The following NFIX variants were observed in gnomAD, a reference collection of about 807,000 sequenced individuals.
The protein encoded by NFIX is nuclear factor I X.
NFIX carries 2 observed loss-of-function variants against 53.3 expected under a neutral mutation model. That is an observed-to-expected ratio of 0.04 (90% CI 0.02 to 0.12). The LOEUF is 0.12. Ranked by LOEUF, NFIX falls within the 10% of genes least tolerant of loss-of-function variation. The probability of loss-of-function intolerance (pLI) is 1.00; values close to 1 mark genes in which losing one functional copy is unlikely to be tolerated. For missense variants in NFIX, 310 were observed against 674.5 expected (o/e 0.46, Z 5.99); for synonymous variants, 244 against 289.0 (o/e 0.84, Z 1.58).
chr19:13,003,227 C>T (rs1258318759), intron 1 of NFIX, among the ~76,000 whole-genome samples: 4 of 152,126 alleles, frequency 2.6e-5, no homozygotes, highest in East Asian at 1.9e-4. Flanking sequence ...CAGACACAGG[C>T]GTCCCCATAC....
rs904912537 is a variant in NFIX at position 13,027,900 on chromosome 19, C to T, written c.559+2348C>T. 2.6e-5 allele frequency among the ~76,000 whole-genome samples: 4 copies of T among 152,194 alleles called. No individual in the cohort carries two copies. Among genetic ancestry groups the T allele is most frequent in the Non-Finnish European group, 5.9e-5 (4 of 68,042 alleles). ...GGGTGTATTTTATATCATTCAGGCC[C>T]CAGACTCCAGATAATTTCAGTGAAG... On this transcript the variant is annotated intron_variant, in intron 2 of 10. Transcript: ENST00000592199. The surrounding 1 kb of genome is among the most constrained non-coding windows in gnomAD (Gnocchi z 4.3).
chr19:12,998,729 C>T lies in NFIX; in HGVS notation c.27+2865C>T, dbSNP rs115753412. Reference sequence around the variant, plus strand: ...CACCGATGTCCAGACCCACGACCATCGACGAGCCTACAGACCTACGGACAC... The same window carrying T: ...CACCGATGTCCAGACCCACGACCATTGACGAGCCTACAGACCTACGGACAC... On this transcript the variant is annotated intron_variant, in intron 1 of 10. Coordinates refer to ENST00000592199, the MANE Select transcript of NFIX (RefSeq NM_001365902.3). This position sits in a 1 kb window ranked among gnomAD's most constrained non-coding sequence, Gnocchi z 4.4. Among the ~76,000 whole-genome samples the T allele has an allele frequency of 4.6e-3, 704 of 152,288 alleles. 6 individuals are homozygous for T. The highest frequency in any genetic ancestry group is 0.016 in the African/African-American group (683 of 41,542).
intron 1 of NFIX, among the ~76,000 whole-genome samples, chr19:13,003,537 A>G (rs1339165038): frequency 6.6e-6 from 1 of 152,178 alleles, no homozygotes; most frequent in Non-Finnish European, 1.5e-5. Context: ...AGGTACATGC[A>G]CATGCATGCA....
intron 1 of NFIX, among the ~76,000 whole-genome samples, chr19:13,016,452 C>A (rs1320017251): frequency 1.3e-5 from 2 of 152,170 alleles, no homozygotes; most frequent in African/African-American, 4.8e-5. Context: ...GAGTAAGTTA[C>A]TTGCCAATTA....
Position 13,006,037 on chromosome 19 carries a change from GC to G in NFIX, c.27+10177del, listed in dbSNP as rs1449915268. ...TCCTGGGTGCCAGGCTCTGTTTTAG[GC>G]CCCGGGGGCTCGGCAGGGAGCAAAA... On this transcript the variant is annotated intron_variant, in intron 1 of 10. Coordinates refer to ENST00000592199, the MANE Select transcript of NFIX (RefSeq NM_001365902.3). The surrounding 1 kb of genome is among the most constrained non-coding windows in gnomAD (Gnocchi z 5.6). Among the ~76,000 whole-genome samples, 1 of 152,198 alleles carries G rather than the reference GC, an allele frequency of 6.6e-6. No homozygotes were observed. Among genetic ancestry groups the G allele is most frequent in the Non-Finnish European group, 1.5e-5 (1 of 68,036 alleles).
chr19:13,040,529 G>A lies in NFIX; in HGVS notation c.559+14977G>A, dbSNP rs969739338. ...GCCTTTTGCTCTGAGGCTTTTCCTC[G>A]CCTCCCTCCCTCTCCTCAGGAGCCC... On this transcript the variant is annotated intron_variant, in intron 2 of 10. Coordinates refer to ENST00000592199, the MANE Select transcript of NFIX (RefSeq NM_001365902.3). The surrounding 1 kb of genome is among the most constrained non-coding windows in gnomAD (Gnocchi z 4.2). Among the ~76,000 whole-genome samples, 3 of 152,168 alleles carry A rather than the reference G, an allele frequency of 2.0e-5. No individual in the cohort carries two copies. The highest frequency in any genetic ancestry group is 2.1e-4 in the South Asian group (1 of 4,828).
At chr19:13,077,122 A>T (rs1489212895) in intron 6 of NFIX, among the ~76,000 whole-genome samples, 1 of 152,060 alleles carries the variant, frequency 6.6e-6, no homozygotes, top group Admixed American at 6.5e-5. Context: ...CCCTTCTGCA[A>T]GGACTGCCCC....
chr19:13,091,196 C>T (rs1249789990), intron 10 of NFIX, among the ~76,000 whole-genome samples: 2 of 152,014 alleles, frequency 1.3e-5, no homozygotes, highest in Non-Finnish European at 2.9e-5. Flanking sequence ...ATGCAAAGAT[C>T]TTTCTTTTGC....
rs1246807059 is a variant in NFIX, at chr19:13,073,919, A to G, written c.711A>G (p.Thr237=). ...LVRVSQTPVA[T]ASGPNFSLAD... is the part of the protein sequence containing the mutation. Reference sequence around the variant, plus strand: ...CGTTCTTCCCAGCTCCTGTTGCAACAGCATCAGGGCCCAACTTCTCCCTGG... The same window carrying G: ...CGTTCTTCCCAGCTCCTGTTGCAACGGCATCAGGGCCCAACTTCTCCCTGG... The change falls in exon 5 of 11, where the codon ACA becomes ACG. Residue 237 remains threonine, a synonymous_variant. Transcript: ENST00000592199. The surrounding 1 kb of genome is among the most constrained non-coding windows in gnomAD (Gnocchi z 4.5). 1.2e-6 allele frequency: 2 copies of G among 1,613,956 alleles called. No individual in the cohort carries two copies. Among genetic ancestry groups the G allele is most frequent in the South Asian group, 2.2e-5 (2 of 91,084 alleles).
chr19:13,065,602 G>A (rs1308790784), intron 2 of NFIX, among the ~76,000 whole-genome samples: 4 of 152,158 alleles, frequency 2.6e-5, no homozygotes, highest in Non-Finnish European at 5.9e-5. Flanking sequence ...CCATTGGCAG[G>A]TGGGCCTTTG....
At chr19:13,041,967 A>G (rs1225185077) in intron 2 of NFIX, among the ~76,000 whole-genome samples, 1 of 151,876 alleles carries the variant, frequency 6.6e-6, no homozygotes, top group African/African-American at 2.4e-5. Context: ...GCGCAATCTC[A>G]GGTCGCTGCA....
intron 1 of NFIX, chr19:13,024,431 C>T: frequency 7.0e-7 from 1 of 1,423,834 alleles, no homozygotes; most frequent in Non-Finnish European, 9.2e-7. Context: ...ATGAAAACAG[C>T]CTGGGGAGAG....
At position 13,010,265 on chromosome 19, in the gene NFIX, G is replaced by A. The variant is rs2012263432; in HGVS notation, c.27+14401G>A. Among the ~76,000 whole-genome samples, 3 of 152,292 alleles carry A rather than the reference G, an allele frequency of 2.0e-5. No homozygotes were observed. The Middle Eastern group carries it at 0.01, about 518-fold the overall frequency. The stretch of plus-strand genomic sequence containing the variant: ...CCGGGCTCAGCTGGGTCCGGACGGC[G>A]GCCCTCGCGCACGTGGTTACTCCCA... On this transcript the variant is annotated intron_variant, in intron 1 of 10. Transcript: ENST00000592199.
At chr19:13,063,678 G>C (rs990250527) in intron 2 of NFIX, among the ~76,000 whole-genome samples, 1 of 151,908 alleles carries the variant, frequency 6.6e-6, no homozygotes, top group Non-Finnish European at 1.5e-5. Context: ...TTTAGTTTTA[G>C]TTTTGTCTTT....
At chr19:13,055,209 A>G (rs918568794) in intron 2 of NFIX, among the ~76,000 whole-genome samples, 2 of 151,390 alleles carry the variant, frequency 1.3e-5, no homozygotes, top group Admixed American at 1.3e-4. Context: ...TCCAAGCGCC[A>G]GGCACAACCC....
rs897955632 is a variant in NFIX, at chr19:13,097,989, G to GCCCCA, written c.*3345_*3349dup. 2.0e-5 allele frequency: 3 copies of GCCCCA among 149,556 alleles called. No individual in the cohort carries two copies. The highest frequency in any genetic ancestry group is 2.9e-5 in the Non-Finnish European group (2 of 68,162). 9.3% of individuals were successfully genotyped at this position (149,556 alleles called of 1,614,324 possible). A position where few individuals can be genotyped will look rare whatever the true frequency, so the allele number is the denominator to read the frequency against. Reference sequence around the variant, plus strand: ...CGCACACGGCCCCGCACACAGCCCCGCCCCACCCCGCAACCAGCCCTGTCG... The same window carrying GCCCCA: ...CGCACACGGCCCCGCACACAGCCCCGCCCCACCCCACCCCGCAACCAGCCCTGTCG... On this transcript the variant is annotated 3_prime_UTR_variant, in exon 11 of 11. Transcript: ENST00000592199.
intron 5 of NFIX, among the ~76,000 whole-genome samples, 169 bp downstream of exon 5, chr19:13,074,195 C>T (rs556456358): frequency 6.6e-6 from 1 of 152,328 alleles, no homozygotes; most frequent in African/African-American, 2.4e-5. Context: ...GCGCAGTCAC[C>T]CACTGAGCTG....
chr19:13,043,318 T>G lies in NFIX; in HGVS notation c.559+17766T>G, dbSNP rs912010536. ...GGGGAGGGACCCTTGGGGGTCACCG[T>G]GGCATGGCAGTTTCCTCTCAGCTTC... On this transcript the variant is annotated intron_variant, in intron 2 of 10. Transcript: ENST00000592199. The surrounding 1 kb of genome is among the most constrained non-coding windows in gnomAD (Gnocchi z 4.0). Among the ~76,000 whole-genome samples the G allele has an allele frequency of 7.2e-5, 11 of 152,328 alleles. No homozygotes were observed. The highest frequency in any genetic ancestry group is 4.1e-4 in the South Asian group (2 of 4,820).
rs142197497 is a variant in NFIX, at chr19:13,040,784, A to G, written c.559+15232A>G. On this transcript the variant is annotated intron_variant, in intron 2 of 10. Transcript: ENST00000592199. This position sits in a 1 kb window ranked among gnomAD's most constrained non-coding sequence, Gnocchi z 4.2. Reference sequence around the variant, plus strand: ...CACACACTCGCGCACACACACAGCCACTTCTCGAAGCAGATCTTAAAGTTG... The same window carrying G: ...CACACACTCGCGCACACACACAGCCGCTTCTCGAAGCAGATCTTAAAGTTG... 0.033 allele frequency among the ~76,000 whole-genome samples: 5,085 copies of G among 152,274 alleles called. 95 individuals are homozygous for G. Among genetic ancestry groups the G allele is most frequent in the Middle Eastern group, 0.082 (24 of 294 alleles).
Sources: gnomAD v4.1 joint callset for allele counts (sites outside exome capture counted in the v4.1 genomes callset) on GRCh38, gnomAD v4.1.1 for gene constraint, Gnocchi (gnomAD v3.1) non-coding constraint, MANE v1.5 for transcripts, NCBI Gene and HGNC (gene_info 2026-07-23, HGNC 2026-07-21) for gene names.